RAB38: variants seen among roughly 807,000 people sequenced by gnomAD.
RAB38 encodes the protein RAB38, member RAS oncogene family, also known as ras-related protein Rab-38.
Under a neutral mutation model 18.4 loss-of-function variants are expected in RAB38, and 15 were observed. That is an observed-to-expected ratio of 0.82 (90% CI 0.55 to 1.26). The LOEUF (loss-of-function observed/expected upper bound fraction) is 1.26, where lower values mean the gene tolerates loss of function less well. Ranked by LOEUF, RAB38 falls within the 50% of genes most tolerant of loss-of-function variation. The pLI is 0.00. For missense variants in RAB38, 294 were observed against 267.4 expected (o/e 1.10, Z -0.69); for synonymous variants, 101 against 104.4 (o/e 0.97, Z 0.20).
At chr11:88,067,299 T>C in the RAB38 span, among the ~76,000 whole-genome samples, 6 of 151,282 alleles carry the variant, frequency 4.0e-5, no homozygotes, top group East Asian at 9.7e-4. Flanking sequence ...CGTTATTTTA[T>C]CTTCATAATA....
At chr11:87,947,068 T>C in the RAB38 span, among the ~76,000 whole-genome samples, 34 of 152,314 alleles carry the variant, frequency 2.2e-4, no homozygotes, top group South Asian at 6.4e-3. Context: ...TCCTGACTTT[T>C]TAATGATGGC....
At chr11:88,092,721 A>G in the RAB38 span, among the ~76,000 whole-genome samples, 4 of 151,618 alleles carry the variant, frequency 2.6e-5, no homozygotes, top group East Asian at 7.8e-4. Flanking sequence ...TCTAATATAT[A>G]AATATATATT....
At chr11:88,006,857 G>T in the RAB38 span, among the ~76,000 whole-genome samples, 5 of 151,318 alleles carry the variant, frequency 3.3e-5, no homozygotes, top group Middle Eastern at 3.4e-3. Flanking sequence ...GAGGGTTAGG[G>T]TGAGGGTGGG....
chr11:87,886,756 T>A, the RAB38 span, among the ~76,000 whole-genome samples: 2 of 151,626 alleles, frequency 1.3e-5, no homozygotes, highest in African/African-American at 2.4e-5. Flanking sequence ...AAAGATGAGC[T>A]GATTATCCAA....
At chr11:87,844,398 C>T in the RAB38 span, among the ~76,000 whole-genome samples, 10 of 152,050 alleles carry the variant, frequency 6.6e-5, no homozygotes, top group South Asian at 1.0e-3. Flanking sequence ...AAGCAGTTGG[C>T]GCCATTACAT....
At chr11:88,047,354 T>C in the RAB38 span, among the ~76,000 whole-genome samples, 1 of 152,170 alleles carries the variant, frequency 6.6e-6, no homozygotes, top group African/African-American at 2.4e-5. Context: ...TTCCTCACCC[T>C]GAACACACTT....
At chr11:87,875,198 T>G in the RAB38 span, among the ~76,000 whole-genome samples, 1 of 151,612 alleles carries the variant, frequency 6.6e-6, no homozygotes, top group Non-Finnish European at 1.5e-5. Context: ...GATAGGTAAG[T>G]TAAGTGGTGG....
At chr11:87,953,842 T>G in the RAB38 span, among the ~76,000 whole-genome samples, 3 of 151,762 alleles carry the variant, frequency 2.0e-5, no homozygotes, top group East Asian at 5.8e-4. Flanking sequence ...CAAGATGGAA[T>G]CTGTGTTTTA....
chr11:88,105,960 CCTGAT>C, the RAB38 span, among the ~76,000 whole-genome samples: 1 of 152,000 alleles, frequency 6.6e-6, no homozygotes, highest in East Asian at 1.9e-4. Context: ...AGATATAATA[CCTGAT>C]CTGAACAATG....
downstream of RAB38, among the ~76,000 whole-genome samples, chr11:88,112,851 T>C (rs756869598): frequency 1.3e-5 from 2 of 152,030 alleles, no homozygotes; most frequent in Non-Finnish European, 2.9e-5. Context: ...AATATTAATA[T>C]GAAATAATGA....
chr11:87,911,121 C>T, the RAB38 span, among the ~76,000 whole-genome samples: 1 of 151,380 alleles, frequency 6.6e-6, no homozygotes, highest in Non-Finnish European at 1.5e-5. Flanking sequence ...TATTCTATTC[C>T]ACTGAAGGTT....
chr11:88,157,925 A>C (rs988790364), intron 1 of RAB38, among the ~76,000 whole-genome samples: 3 of 152,062 alleles, frequency 2.0e-5, no homozygotes, highest in Admixed American at 6.6e-5. Flanking sequence ...AAAACACTAA[A>C]ATCAGAGCAG....
At chr11:88,033,847 C>T in the RAB38 span, among the ~76,000 whole-genome samples, 2 of 150,990 alleles carry the variant, frequency 1.3e-5, no homozygotes, top group Admixed American at 6.6e-5. Context: ...CTTGCCTCAG[C>T]CTCCCAAGTA....
At chr11:88,082,249 C>T in the RAB38 span, among the ~76,000 whole-genome samples, 11 of 151,494 alleles carry the variant, frequency 7.3e-5, no homozygotes, top group African/African-American at 2.4e-5. Context: ...GGAGAGTCTA[C>T]TAAATTAAAT....
chr11:88,102,852 A>G, the RAB38 span, among the ~76,000 whole-genome samples: 1 of 151,966 alleles, frequency 6.6e-6, no homozygotes, highest in Non-Finnish European at 1.5e-5. Flanking sequence ...CAGTTTCTCA[A>G]TCTTTCTTAA....
intron 1 of RAB38, among the ~76,000 whole-genome samples, chr11:88,165,068 C>T (rs1322227518): frequency 6.6e-6 from 1 of 151,910 alleles, no homozygotes; most frequent in East Asian, 1.9e-4. Context: ...TCAACTCATT[C>T]AATAATTAGG....
At chr11:87,928,491 C>T in the RAB38 span, among the ~76,000 whole-genome samples, 5 of 151,912 alleles carry the variant, frequency 3.3e-5, no homozygotes, top group East Asian at 7.8e-4. Flanking sequence ...TCTTAAAATG[C>T]ATTTAAATGT....
chr11:87,927,257 C>T, the RAB38 span, among the ~76,000 whole-genome samples: 1 of 151,970 alleles, frequency 6.6e-6, no homozygotes. Context: ...TCCTACACCC[C>T]AGTATTCAGA....
At chr11:88,095,117 T>C in the RAB38 span, among the ~76,000 whole-genome samples, 1 of 151,882 alleles carries the variant, frequency 6.6e-6, no homozygotes, top group Non-Finnish European at 1.5e-5. Context: ...CCCCAGTCTA[T>C]TGGATTATAT....
Sources: allele counts gnomAD v4.1 joint callset (sites outside exome capture counted in the v4.1 genomes callset), GRCh38; gene constraint gnomAD v4.1.1; transcripts MANE v1.5; gene names NCBI Gene and HGNC (gene_info 2026-07-23, HGNC 2026-07-21).